SP100: variants seen among roughly 807,000 people sequenced by gnomAD.
The protein encoded by SP100 is nuclear autoantigen Sp-100.
SP100 carries 84 observed loss-of-function variants against 130.0 expected under a neutral mutation model. That is an observed-to-expected ratio of 0.65 (90% CI 0.54 to 0.77). SP100 has a LOEUF of 0.77. SP100 is among the 30% of genes least tolerant of loss of function. SP100 has a pLI of 0.00. For missense variants in SP100, 978 were observed against 1,052.2 expected (o/e 0.93, Z 0.97); for synonymous variants, 331 against 351.7 (o/e 0.94, Z 0.66).
intron 17 of SP100, among the ~76,000 whole-genome samples, chr2:230,481,449 G>T (rs958513525): frequency 6.6e-6 from 1 of 151,964 alleles, no homozygotes; most frequent in Non-Finnish European, 1.5e-5. Context: ...CTAACCCCTC[G>T]CACTCTCTCT....
At chr2:230,446,114 T>G (rs759539612) in intron 4 of SP100, among the ~76,000 whole-genome samples, 25 of 152,302 alleles carry the variant, frequency 1.6e-4, no homozygotes, top group Middle Eastern at 6.8e-3. Context: ...TATTTTTTAT[T>G]TATTTATGTT....
chr2:230,528,704 G>C (rs556492679), intron 24 of SP100, among the ~76,000 whole-genome samples: 28 of 152,122 alleles, frequency 1.8e-4, no homozygotes, highest in African/African-American at 5.5e-4. Context: ...GAAGAAAAGG[G>C]AGAAGAATCA....
In SP100 at chr2:230,464,094, C is replaced by T. The variant is rs986621410; in HGVS notation, c.1085C>T (p.Ser362Leu). Residue 362 changes from serine to leucine, a missense_variant, in exon 11 of 29, where the codon TCA becomes TTA. Transcript: ENST00000340126. ...ATCAATAATGACAACCCTTTAGAATCAAATGATGAAAAGGAGGGCCAAGAA... is the reference window on the plus strand; with the variant it reads ...ATCAATAATGACAACCCTTTAGAATTAAATGATGAAAAGGAGGGCCAAGAA... ...PVINNDNPLE[S>L]NDEKEGQEAT... is the part of the protein sequence containing the mutation. 1 of 1,612,908 alleles carries T rather than the reference C, an allele frequency of 6.2e-7. No homozygotes were observed. Among genetic ancestry groups the T allele is most frequent in the Non-Finnish European group, 8.5e-7 (1 of 1,178,950 alleles).
At chr2:230,510,369 A>T (rs1690479977) in intron 23 of SP100, 1 of 151,078 alleles carries the variant, frequency 6.6e-6, no homozygotes, top group East Asian at 2.0e-4. Context: ...TATTCCTGGG[A>T]CACCTGCATG....
chr2:230,436,194 AC>A (rs1250693386), intron 2 of SP100, among the ~76,000 whole-genome samples: 2 of 152,100 alleles, frequency 1.3e-5, no homozygotes, highest in African/African-American at 4.8e-5. Context: ...CAAGTCTCAT[AC>A]CTTTCAGATG....
chr2:230,538,297 G>C (rs1414584113), intron 24 of SP100: 1 of 152,178 alleles, frequency 6.6e-6, no homozygotes, highest in African/African-American at 2.4e-5. Context: ...ATTTGCCTGT[G>C]GTATTTATTC....
At position 230,535,906 on chromosome 2, in the gene SP100, C is replaced by CAA. The variant is rs34684038; in HGVS notation, c.2095-3333_2095-3332dup. Among the ~76,000 whole-genome samples the CAA allele has an allele frequency of 4.2e-4, 20 of 47,596 alleles. 2 individuals carry two copies. Among genetic ancestry groups the CAA allele is most frequent in the Admixed American group, 1.1e-3 (3 of 2,692 alleles). The allele number at this position is 47,596 out of a possible 152,430, so 31.2% of individuals were successfully genotyped here. The stretch of plus-strand genomic sequence containing the variant: ...TGGGTGACAGAGCAAGACTCCATCT[C>CAA]AAAAAAAAAAAAAAAAAAAAAAAAA... On this transcript the variant is annotated intron_variant, in intron 24 of 28. Coordinates refer to ENST00000340126, the MANE Select transcript of SP100 (RefSeq NM_001080391.2).
At chr2:230,469,823 G>A (rs1575678024) in intron 14 of SP100, 192 bp from the exon 15 acceptor site, 1 of 1,490,470 alleles carries the variant, frequency 6.7e-7, no homozygotes, top group East Asian at 2.8e-5. Flanking sequence ...CCCAGCCCCA[G>A]CCTCAGAGAG....
At chr2:230,529,529 T>C (rs979489666) in intron 24 of SP100, among the ~76,000 whole-genome samples, 10 of 152,178 alleles carry the variant, frequency 6.6e-5, no homozygotes, top group African/African-American at 2.2e-4. Flanking sequence ...AAGACAAGGA[T>C]GCCCTCTCTC....
chr2:230,487,063 G>A (rs1449219079), intron 17 of SP100, among the ~76,000 whole-genome samples: 2 of 152,114 alleles, frequency 1.3e-5, no homozygotes, highest in Non-Finnish European at 2.9e-5. Context: ...CATAAATTCT[G>A]GATATTAGAC....
At chr2:230,435,166 G>A (rs572641610) in intron 2 of SP100, among the ~76,000 whole-genome samples, 17 of 152,262 alleles carry the variant, frequency 1.1e-4, no homozygotes, top group Middle Eastern at 3.4e-3. Flanking sequence ...CTTCTCCCTC[G>A]TGACATAGTG....
At chr2:230,509,418 C>G (rs1690407196) in intron 23 of SP100, 2 of 152,200 alleles carry the variant, frequency 1.3e-5, no homozygotes, top group Admixed American at 6.5e-5. Flanking sequence ...TGACTAGGCT[C>G]TGTATCCACT....
At position 230,461,388 on chromosome 2, in the gene SP100, A is replaced by G. The variant is rs142803787; in HGVS notation, c.947A>G (p.His316Arg). ...GAGTGCCAAGCCCAAGCAAGAACTC[A>G]TCATAACCAGGCATCTGACATAATA... is the stretch of plus-strand genomic sequence containing the variant. ...KVECQAQART[H>R]HNQASDIIVI... Residue 316 changes from histidine (H) to arginine (R), a missense_variant, in exon 9 of 29, where the codon CAT becomes CGT. By Grantham distance (29) the His-to-Arg change is conservative. Transcript: ENST00000340126. 6 of 1,614,072 alleles carry G rather than the reference A, an allele frequency of 3.7e-6. No homozygotes were observed. The African/African-American group carries it at 6.7e-5, about 18-fold the overall frequency.
chr2:230,517,241 T>A (rs1690965426), intron 24 of SP100, among the ~76,000 whole-genome samples: 1 of 152,174 alleles, frequency 6.6e-6, no homozygotes, highest in Non-Finnish European at 1.5e-5. Flanking sequence ...AGGATGTTGA[T>A]CTTGGGGAAA....
At chr2:230,416,351 T>G (rs766268922) in intron 1 of SP100, 23 bp downstream of exon 1, 6 of 1,608,042 alleles carry the variant, frequency 3.7e-6, no homozygotes, top group African/African-American at 1.3e-5. Flanking sequence ...CTCCCTTCCT[T>G]TAACCTTTAT....
chr2:230,536,159 G>T (rs1691930214), intron 24 of SP100, among the ~76,000 whole-genome samples: 2 of 152,132 alleles, frequency 1.3e-5, no homozygotes, highest in African/African-American at 2.4e-5. Context: ...TTTAGTGGAA[G>T]TGGGAGACTG....
At chr2:230,468,571 G>A (rs952077426) in intron 13 of SP100, among the ~76,000 whole-genome samples, 6 of 91,524 alleles carry the variant, frequency 6.6e-5, no homozygotes, top group Non-Finnish European at 1.3e-4. Flanking sequence ...TTGGGAGGCT[G>A]AGGGGCTGAG....
chr2:230,462,379 C>T, intron 9 of SP100, 56 bp from the exon 10 acceptor site: 1 of 1,348,560 alleles, frequency 7.4e-7, no homozygotes, highest in Non-Finnish European at 1.1e-6. Context: ...TTTCCTGGTG[C>T]ATGGACTCCT....
chr2:230,445,845 C>T (rs187730335), intron 4 of SP100, among the ~76,000 whole-genome samples: 9 of 152,208 alleles, frequency 5.9e-5, no homozygotes, highest in East Asian at 1.9e-4. Context: ...TAGTTTCTGG[C>T]GCTCCTTGTG....
Sources: gnomAD v4.1 joint callset for allele counts (sites outside exome capture counted in the v4.1 genomes callset) on GRCh38, gnomAD v4.1.1 for gene constraint, MANE v1.5 for transcripts, NCBI Gene and HGNC (gene_info 2026-07-23, HGNC 2026-07-21) for gene names.